The following BRAF variants were observed in gnomAD, a reference collection of about 807,000 sequenced individuals.
BRAF encodes serine/threonine-protein kinase B-raf.
BRAF carries 16 observed loss-of-function variants against 104.6 expected under a neutral mutation model. The observed-to-expected ratio is 0.15, with a 90% CI of 0.10 to 0.23. The LOEUF (loss-of-function observed/expected upper bound fraction) is 0.23, where lower values mean the gene tolerates loss of function less well. Ranked by LOEUF, BRAF falls within the 10% of genes least tolerant of loss-of-function variation. The pLI is 1.00. For missense variants in BRAF, 541 were observed against 937.3 expected (o/e 0.58, Z 5.52); for synonymous variants, 310 against 341.6 (o/e 0.91, Z 1.02).
At chr7:140,839,432 T>C (rs551769570) in intron 2 of BRAF, among the ~76,000 whole-genome samples, 88 of 152,290 alleles carry the variant, frequency 5.8e-4, no homozygotes, top group African/African-American at 1.8e-3. Flanking sequence ...CTTAGCTCTT[T>C]AGAAATGCAA....
rs1294579991 is a variant in BRAF, at chr7:140,740,133, A to G, written c.2113-187T>C. Reference sequence around the variant, plus strand: ...GTGGGAAACCCACAAAAGGAGTGCAAGCTCAAATCTTCATGATCCTTGGAC... The same window carrying G: ...GTGGGAAACCCACAAAAGGAGTGCAGGCTCAAATCTTCATGATCCTTGGAC... On this transcript the variant is annotated intron_variant, in intron 17 of 19. Coordinates refer to ENST00000644969, the MANE Select transcript of BRAF (RefSeq NM_001374258.1). 1.8e-5 allele frequency: 11 copies of G among 607,576 alleles called. No homozygotes were observed. The African/African-American group carries it at 2.0e-4, about 11-fold the overall frequency. The allele number at this position is 607,576 out of a possible 1,614,324, so 37.6% of individuals were successfully genotyped here.
intron 1 of BRAF, among the ~76,000 whole-genome samples, chr7:140,908,643 T>A (rs969202795): frequency 1.3e-5 from 2 of 152,170 alleles, no homozygotes; most frequent in Non-Finnish European, 2.9e-5. Context: ...CTTAATTTCC[T>A]TTTCCTCCTC....
chr7:140,831,042 G>C (rs1269246249), intron 3 of BRAF, among the ~76,000 whole-genome samples: 2 of 152,246 alleles, frequency 1.3e-5, no homozygotes, highest in African/African-American at 4.8e-5. Context: ...CATCTCAAGA[G>C]GGGGACAGTC....
chr7:140,787,481 A>T (rs1801509272), intron 9 of BRAF, 67 bp downstream of exon 9: 1 of 1,488,082 alleles, frequency 6.7e-7, no homozygotes, highest in Admixed American at 1.7e-5. Context: ...GCAAGTATAA[A>T]GGAAATAAGC....
chr7:140,731,741 T>C (rs1483358360), intron 19 of BRAF: 1 of 152,126 alleles, frequency 6.6e-6, no homozygotes, highest in Non-Finnish European at 1.5e-5. Context: ...ATAAATAAAC[T>C]GGAAGCATCT....
chr7:140,727,587 CT>C (rs773020766), intron 19 of BRAF, among the ~76,000 whole-genome samples: 5 of 152,032 alleles, frequency 3.3e-5, no homozygotes, highest in Non-Finnish European at 7.4e-5. Flanking sequence ...TAGTTAATAA[CT>C]GACAATTAAC....
intron 3 of BRAF, among the ~76,000 whole-genome samples, chr7:140,818,100 A>C (rs1207463319): frequency 6.6e-6 from 1 of 152,104 alleles, no homozygotes. Flanking sequence ...ATATGATTGA[A>C]GGTACCTCAC....
intron 1 of BRAF, among the ~76,000 whole-genome samples, chr7:140,906,020 G>A (rs1189404456): frequency 4.3e-5 from 6 of 139,776 alleles, no homozygotes; most frequent in African/African-American, 5.6e-5. Context: ...CCCGGGAGGC[G>A]GAGCTTGCAG....
chr7:140,847,012 G>A (rs973279564), intron 2 of BRAF, among the ~76,000 whole-genome samples: 5 of 151,960 alleles, frequency 3.3e-5, no homozygotes, highest in African/African-American at 9.7e-5. Flanking sequence ...AAAATTAGTC[G>A]GGAGTCATAA....
chr7:140,890,543 T>C (rs1406687034), intron 1 of BRAF, among the ~76,000 whole-genome samples: 1 of 152,170 alleles, frequency 6.6e-6, no homozygotes, highest in African/African-American at 2.4e-5. Context: ...TCTTCAATGA[T>C]TTAGTAACTT....
rs1795585626 is a variant in BRAF at position 140,726,136 on chromosome 7, T to C, written c.*358A>G. On this transcript the variant is annotated 3_prime_UTR_variant, in exon 20 of 20. Coordinates refer to ENST00000644969, the MANE Select transcript of BRAF (RefSeq NM_001374258.1). The stretch of plus-strand genomic sequence containing the variant: ...TGATCTGGTGGTTAGAAGGGCAAAG[T>C]TGACTGGCAGACTTTCCATAGCAAA... 1.1e-5 allele frequency: 12 copies of C among 1,117,146 alleles called. No homozygotes were observed. Among genetic ancestry groups the C allele is most frequent in the Non-Finnish European group, 1.3e-5 (12 of 913,522 alleles). 69.2% of individuals were successfully genotyped at this position (1,117,146 alleles called of 1,614,324 possible).
intron 1 of BRAF, among the ~76,000 whole-genome samples, chr7:140,869,890 A>C (rs1285510626): frequency 1.3e-5 from 2 of 152,232 alleles, no homozygotes; most frequent in Non-Finnish European, 2.9e-5. Context: ...TATAAATAAA[A>C]GAGAAAGTCA....
intron 1 of BRAF, among the ~76,000 whole-genome samples, chr7:140,869,423 A>C (rs1811320154): frequency 6.6e-6 from 1 of 152,166 alleles, no homozygotes; most frequent in Non-Finnish European, 1.5e-5. Context: ...ACTTGAGGTC[A>C]GGAATTCGAG....
At chr7:140,865,759 T>C (rs1412438528) in intron 1 of BRAF, among the ~76,000 whole-genome samples, 1 of 152,188 alleles carries the variant, frequency 6.6e-6, no homozygotes, top group Non-Finnish European at 1.5e-5. Context: ...AGTTCCACAA[T>C]TCCTTTGGCC....
At chr7:140,798,341 C>T (rs1409713458) in intron 7 of BRAF, among the ~76,000 whole-genome samples, 1 of 138,182 alleles carries the variant, frequency 7.2e-6, no homozygotes. Context: ...CGGCCCGCTA[C>T]AAGCTCCACC....
chr7:140,864,821 GA>G (rs1442861778), intron 1 of BRAF, among the ~76,000 whole-genome samples: 1 of 152,108 alleles, frequency 6.6e-6, no homozygotes, highest in African/African-American at 2.4e-5. Context: ...GAATTTAATC[GA>G]GGGGAGAAGA....
In BRAF at chr7:140,924,821, G is replaced by A. The variant is rs560175142; in HGVS notation, c.-118C>T. The A allele has an allele frequency of 4.5e-5, 17 of 379,806 alleles. 1 individual carries two copies. In the Admixed American group the frequency reaches 7.2e-4, roughly 16 times the overall value. 23.5% of individuals were successfully genotyped at this position (379,806 alleles called of 1,614,324 possible). A position where few individuals can be genotyped will look rare whatever the true frequency, so the allele number is the denominator to read the frequency against. On this transcript the variant is annotated 5_prime_UTR_variant, in exon 1 of 20. Coordinates refer to ENST00000644969, the MANE Select transcript of BRAF (RefSeq NM_001374258.1). This position sits in a 1 kb window ranked among gnomAD's most constrained non-coding sequence, Gnocchi z 4.2. ...GGCGGAGGAGCGGGGGGCGCGGGGGGCGCGGGGAGGAGCGGCCCGGGCGGC... is the reference window on the plus strand; with the variant it reads ...GGCGGAGGAGCGGGGGGCGCGGGGGACGCGGGGAGGAGCGGCCCGGGCGGC...
At chr7:140,844,108 A>G (rs1808292779) in intron 2 of BRAF, among the ~76,000 whole-genome samples, 1 of 152,204 alleles carries the variant, frequency 6.6e-6, no homozygotes, top group Admixed American at 6.5e-5. Flanking sequence ...GGAATGACAC[A>G]GCAGCAAGAG....
chr7:140,771,860 C>T (rs1291207273), intron 14 of BRAF, among the ~76,000 whole-genome samples: 2 of 152,016 alleles, frequency 1.3e-5, no homozygotes, highest in East Asian at 1.9e-4. Context: ...CATTTGTGCT[C>T]AGGGTAGAGC....
Sources: gnomAD v4.1 joint callset for allele counts (sites outside exome capture counted in the v4.1 genomes callset) on GRCh38, gnomAD v4.1.1 for gene constraint, Gnocchi (gnomAD v3.1) non-coding constraint, MANE v1.5 for transcripts, NCBI Gene and HGNC (gene_info 2026-07-23, HGNC 2026-07-21) for gene names.